The following CYSLTR2 variants were observed in gnomAD, a reference collection of about 807,000 sequenced individuals.
The protein encoded by CYSLTR2 is G-protein coupled receptor GPCR21.
For synonymous variants in CYSLTR2, 179 were observed against 160.8 expected, an observed-to-expected ratio of 1.11 and a Z score of -0.86; for missense variants, 398 against 411.9, an observed-to-expected ratio of 0.97 and a Z score of 0.29.
At chr13:48,675,688 C>T (rs922573071) in intron 1 of CYSLTR2, among the ~76,000 whole-genome samples, 11 of 152,088 alleles carry the variant, frequency 7.2e-5, no homozygotes, top group Non-Finnish European at 1.5e-4. Flanking sequence ...CAGGCTCCAC[C>T]GAGGCATAGC....
chr13:48,680,219 CCAAAGGTGGGCAAA>C (rs1389985895), intron 1 of CYSLTR2, among the ~76,000 whole-genome samples: 1 of 152,094 alleles, frequency 6.6e-6, no homozygotes, highest in Non-Finnish European at 1.5e-5. Flanking sequence ...AATCTGGGAA[CCAAAGGTGGGCAAA>C]CCCATCTGAC....
chr13:48,675,213 C>T (rs570252239), intron 1 of CYSLTR2, among the ~76,000 whole-genome samples: 105 of 152,280 alleles, frequency 6.9e-4, no homozygotes, highest in African/African-American at 2.4e-3. Context: ...CAGGCAGGAA[C>T]GTTTAAGTCT....
At chr13:48,696,885 C>T (rs1248806646) in intron 4 of CYSLTR2, among the ~76,000 whole-genome samples, 2 of 151,988 alleles carry the variant, frequency 1.3e-5, no homozygotes, top group African/African-American at 2.4e-5. Flanking sequence ...CTCGGAGGGT[C>T]CCACGCCCAC....
intron 1 of CYSLTR2, among the ~76,000 whole-genome samples, chr13:48,663,642 G>A (rs577041859): frequency 1.2e-4 from 18 of 151,824 alleles, no homozygotes; most frequent in African/African-American, 3.1e-4. Context: ...TTTCCAGCTA[G>A]TTCATTGTTT....
chr13:48,703,461 T>C (rs184742887), intron 4 of CYSLTR2, among the ~76,000 whole-genome samples: 8 of 152,222 alleles, frequency 5.3e-5, no homozygotes, highest in African/African-American at 1.9e-4. Context: ...GTTTTTTGTA[T>C]ATGCTCTTTA....
At chr13:48,674,199 T>G (rs1314636898) in intron 1 of CYSLTR2, among the ~76,000 whole-genome samples, 1 of 152,214 alleles carries the variant, frequency 6.6e-6, no homozygotes, top group Non-Finnish European at 1.5e-5. Context: ...TTCTCTTGGA[T>G]AATATCTGGA....
chr13:48,661,466 T>C (rs1219354134), intron 1 of CYSLTR2, among the ~76,000 whole-genome samples: 1 of 151,646 alleles, frequency 6.6e-6, no homozygotes, highest in South Asian at 2.1e-4. Context: ...TATTTACTAG[T>C]GCCCTGCAAA....
At chr13:48,662,346 G>A (rs569906916) in intron 1 of CYSLTR2, among the ~76,000 whole-genome samples, 16 of 152,256 alleles carry the variant, frequency 1.1e-4, no homozygotes, top group African/African-American at 3.6e-4. Context: ...TAGGCAAACT[G>A]GTTTCAAAGC....
intron 1 of CYSLTR2, among the ~76,000 whole-genome samples, chr13:48,666,319 C>T (rs1210513391): frequency 6.6e-6 from 1 of 152,054 alleles, no homozygotes; most frequent in Non-Finnish European, 1.5e-5. Context: ...TCTCTTGCTG[C>T]TTTTAAAATT....
chr13:48,688,980 G>A (rs186527200), intron 1 of CYSLTR2, among the ~76,000 whole-genome samples: 5 of 152,234 alleles, frequency 3.3e-5, no homozygotes, highest in African/African-American at 1.2e-4. Flanking sequence ...CCTCAATGTG[G>A]TTTTGATTTG....
intron 1 of CYSLTR2, among the ~76,000 whole-genome samples, chr13:48,677,917 G>C (rs1052887355): frequency 6.8e-6 from 1 of 147,400 alleles, no homozygotes; most frequent in Admixed American, 6.8e-5. Flanking sequence ...CACCCAGGCT[G>C]GAGTGCAGTG....
intron 1 of CYSLTR2, among the ~76,000 whole-genome samples, chr13:48,685,745 T>C (rs7333434): frequency 0.37 from 56,942 of 152,008 alleles, 11,859 homozygotes; most frequent in South Asian, 0.5. Flanking sequence ...TCTAGATAAA[T>C]GACATCTTCT....
intron 1 of CYSLTR2, among the ~76,000 whole-genome samples, chr13:48,657,344 G>A (rs558624779): frequency 3.8e-4 from 58 of 152,292 alleles, no homozygotes; most frequent in Non-Finnish European, 8.1e-4. Flanking sequence ...TTGGAGTCAA[G>A]AAATTCCAAA....
chr13:48,673,433 C>CTTTTTTTTT (rs61699943), intron 1 of CYSLTR2, among the ~76,000 whole-genome samples: 10 of 48,312 alleles, frequency 2.1e-4, no homozygotes, highest in Non-Finnish European at 3.7e-4. Context: ...GTAACCCCGG[C>CTTTTTTTTT]TTTTTTTTTT....
chr13:48,672,818 G>C (rs1407851947), intron 1 of CYSLTR2, among the ~76,000 whole-genome samples: 1 of 151,778 alleles, frequency 6.6e-6, no homozygotes, highest in Non-Finnish European at 1.5e-5. Flanking sequence ...GGGTTTCACT[G>C]TGTTAGCCAG....
chr13:48,675,093 C>T (rs1301334833), intron 1 of CYSLTR2, among the ~76,000 whole-genome samples: 1 of 152,174 alleles, frequency 6.6e-6, no homozygotes, highest in Non-Finnish European at 1.5e-5. Context: ...AGTCAGGGGG[C>T]ATGGGGTTTA....
intron 1 of CYSLTR2, among the ~76,000 whole-genome samples, chr13:48,663,226 C>T (rs763060654): frequency 2.6e-5 from 4 of 152,030 alleles, no homozygotes; most frequent in Non-Finnish European, 5.9e-5. Context: ...TAGTAACATG[C>T]TATTTTGGTT....
At chr13:48,704,986 T>A (rs557926176) in intron 4 of CYSLTR2, among the ~76,000 whole-genome samples, 37 of 152,354 alleles carry the variant, frequency 2.4e-4, no homozygotes, top group African/African-American at 8.4e-4. Flanking sequence ...TTAGTTTTTC[T>A]ATACCTTTGC....
rs201715407 is a variant in CYSLTR2, at chr13:48,708,603, G to T, written c.*745G>T. The T allele has an allele frequency of 1.2e-5, 2 of 167,046 alleles. No individual in the cohort carries two copies. Among genetic ancestry groups the T allele is most frequent in the Non-Finnish European group, 2.9e-5 (2 of 68,112 alleles). The allele number at this position is 167,046 out of a possible 1,614,324, so 10.3% of individuals were successfully genotyped here. On this transcript the variant is annotated 3_prime_UTR_variant, in exon 5 of 5. Transcript: ENST00000682523. ...AGAATTGTGTATAGAATGGAAGGGGGATCATCAAGGACATGTATCTCAAAT... is the reference window on the plus strand; with the variant it reads ...AGAATTGTGTATAGAATGGAAGGGGTATCATCAAGGACATGTATCTCAAAT...
Sources: gnomAD v4.1 joint callset for allele counts (sites outside exome capture counted in the v4.1 genomes callset) on GRCh38, gnomAD v4.1.1 for gene constraint, MANE v1.5 for transcripts, NCBI Gene and HGNC (gene_info 2026-07-23, HGNC 2026-07-21) for gene names.